Variants in CECR2 observed in about 807,000 individuals in gnomAD.
CECR2 encodes the protein CECR2 histone acetyl-lysine reader, also known as chromatin remodeling regulator CECR2.
CECR2 carries 30 observed loss-of-function variants against 154.5 expected under a neutral mutation model. The ratio of observed to expected loss-of-function variants is 0.19; its 90% CI spans 0.15 to 0.26. CECR2 has a LOEUF of 0.26. CECR2 is among the 10% of genes least tolerant of loss of function. The pLI, the probability that CECR2 is intolerant of heterozygous loss-of-function variation, is 1.00. For missense variants in CECR2, 1,743 were observed against 1,829.3 expected (o/e 0.95, Z 0.86); for synonymous variants, 725 against 683.7 (o/e 1.06, Z -0.94).
At chr22:17,517,713 C>T (rs1320126581) in intron 8 of CECR2, among the ~76,000 whole-genome samples, 1 of 152,202 alleles carries the variant, frequency 6.6e-6, no homozygotes, top group African/African-American at 2.4e-5. Flanking sequence ...TATCCACGTA[C>T]ACAACTCAGT....
intron 3 of CECR2, among the ~76,000 whole-genome samples, chr22:17,498,457 A>T (rs2055673625): frequency 6.6e-6 from 1 of 152,030 alleles, no homozygotes; most frequent in Admixed American, 6.6e-5. Flanking sequence ...TAGGGAAGTC[A>T]GTTTCTAATC....
intron 1 of CECR2, among the ~76,000 whole-genome samples, chr22:17,364,202 G>A (rs1335982423): frequency 2.0e-5 from 3 of 151,800 alleles, no homozygotes; most frequent in African/African-American, 7.3e-5. Context: ...AATTAGCTGG[G>A]TGTGGTGGCA....
chr22:17,519,794 CTTT>C (rs695788), intron 8 of CECR2, among the ~76,000 whole-genome samples: 3 of 137,990 alleles, frequency 2.2e-5, no homozygotes, highest in Admixed American at 7.3e-5. Context: ...ATTATCAAGT[CTTT>C]TTTTTTTTTT....
At position 17,505,064 on chromosome 22, in the gene CECR2, T is replaced by G. The variant is rs1340354057; in HGVS notation, c.870+48T>G. On this transcript the variant is annotated intron_variant, in intron 7 of 18. Coordinates refer to ENST00000262608, the MANE Select transcript of CECR2 (RefSeq NM_001290047.2). ...TCCTCCTCAGTGTTAGGCCTGATGC[T>G]GCATTATTTAAGGATTATTCATGAG... The G allele has an allele frequency of 1.9e-6, 3 of 1,566,964 alleles. No homozygotes were observed. The East Asian group carries it at 6.8e-5, about 35-fold the overall frequency.
chr22:17,480,171 G>C (rs1415074290), intron 2 of CECR2, among the ~76,000 whole-genome samples: 2 of 151,862 alleles, frequency 1.3e-5, no homozygotes, highest in Admixed American at 6.6e-5. Flanking sequence ...TGACTCTCTA[G>C]GATTATTATC....
Position 17,542,355 on chromosome 22 carries a change from C to T in CECR2, c.2212C>T (p.His738Tyr), listed in dbSNP as rs1160985415. Residue 738 changes from histidine (H) to tyrosine (Y), a missense_variant, in exon 16 of 19, where the codon CAT becomes TAT. Transcript: ENST00000262608. ...QFQPGFIPPR[H>Y]GGAPARPPDF... The stretch of plus-strand genomic sequence containing the variant: ...CCAGCCAGGATTCATTCCTCCCCGG[C>T]ATGGGGGGGCTCCAGCCCGGCCACC... 6.2e-7 allele frequency: 1 copy of T among 1,613,680 alleles called. No individual in the cohort carries two copies. Among genetic ancestry groups the T allele is most frequent in the African/African-American group, 1.3e-5 (1 of 74,920 alleles).
chr22:17,402,246 A>G (rs2053905418), intron 1 of CECR2, among the ~76,000 whole-genome samples: 2 of 152,172 alleles, frequency 1.3e-5, no homozygotes, highest in Admixed American at 6.5e-5. Flanking sequence ...CGGCCTCCCA[A>G]AGTGCTGGGA....
At chr22:17,477,869 C>G (rs1176048648) in intron 2 of CECR2, among the ~76,000 whole-genome samples, 187 bp downstream of exon 2, 2 of 152,148 alleles carry the variant, frequency 1.3e-5, no homozygotes, top group African/African-American at 2.4e-5. Context: ...GTTTTTATTC[C>G]ATCATAATCT....
At chr22:17,454,620 A>AC (rs924617583) in intron 1 of CECR2, among the ~76,000 whole-genome samples, 3 of 151,098 alleles carry the variant, frequency 2.0e-5, no homozygotes, top group Non-Finnish European at 2.9e-5. Flanking sequence ...AAAAAAAAAA[A>AC]CCCTGCAGCT....
intron 1 of CECR2, among the ~76,000 whole-genome samples, chr22:17,431,786 G>T (rs1374103516): frequency 1.0e-5 from 1 of 98,282 alleles, no homozygotes; most frequent in African/African-American, 4.9e-5. Context: ...TTTTTGGGAG[G>T]GGCGCGGCTT....
At chr22:17,534,328 G>A (rs1020806393) in intron 9 of CECR2, among the ~76,000 whole-genome samples, 5 of 152,076 alleles carry the variant, frequency 3.3e-5, no homozygotes, top group African/African-American at 1.2e-4. Flanking sequence ...GTGGTACCAG[G>A]ACACTTGTTC....
At chr22:17,461,939 C>T (rs952837690) in intron 1 of CECR2, among the ~76,000 whole-genome samples, 8 of 151,716 alleles carry the variant, frequency 5.3e-5, no homozygotes, top group South Asian at 2.1e-4. Context: ...ACTACAGGTG[C>T]GCACCACCAA....
chr22:17,366,751 A>G (rs1460587233), upstream of CECR2, among the ~76,000 whole-genome samples: 1 of 152,146 alleles, frequency 6.6e-6, no homozygotes, highest in Non-Finnish European at 1.5e-5. Flanking sequence ...TATCAATCCT[A>G]ACAGGGCCAG....
intron 9 of CECR2, among the ~76,000 whole-genome samples, chr22:17,534,987 A>G (rs1393876815): frequency 6.6e-6 from 1 of 151,690 alleles, no homozygotes; most frequent in Admixed American, 6.6e-5. Context: ...CGTCTCTACT[A>G]AAAAATACAA....
intron 7 of CECR2, 132 bp from the exon 8 acceptor site, chr22:17,511,681 A>G (rs534122304): frequency 4.0e-4 from 247 of 617,378 alleles, no homozygotes; most frequent in Non-Finnish European, 6.3e-4. Context: ...TGATTGTCCT[A>G]AGGAAGCCTT....
At chr22:17,528,571 T>C (rs1164842983) in intron 9 of CECR2, among the ~76,000 whole-genome samples, 1 of 152,184 alleles carries the variant, frequency 6.6e-6, no homozygotes, top group Non-Finnish European at 1.5e-5. Flanking sequence ...AGTCTCACTC[T>C]TTTGCCCAGG....
chr22:17,398,675 CT>C (rs2053849222), intron 1 of CECR2, among the ~76,000 whole-genome samples: 1 of 152,134 alleles, frequency 6.6e-6, no homozygotes, highest in South Asian at 2.1e-4. Flanking sequence ...AACAGTACTG[CT>C]TGTGGAGTTA....
At chr22:17,487,064 A>G (rs2055434631) in intron 2 of CECR2, among the ~76,000 whole-genome samples, 1 of 152,138 alleles carries the variant, frequency 6.6e-6, no homozygotes, top group African/African-American at 2.4e-5. Flanking sequence ...TGAAATGTGG[A>G]TTCTTCATTT....
intron 1 of CECR2, among the ~76,000 whole-genome samples, chr22:17,433,321 T>C (rs968728149): frequency 2.6e-5 from 4 of 152,234 alleles, no homozygotes; most frequent in Non-Finnish European, 5.9e-5. Flanking sequence ...TGTGTAGAAC[T>C]GATAAAGGTA....
Sources: gnomAD v4.1 joint callset for allele counts (sites outside exome capture counted in the v4.1 genomes callset) on GRCh38, gnomAD v4.1.1 for gene constraint, MANE v1.5 for transcripts, NCBI Gene and HGNC (gene_info 2026-07-23, HGNC 2026-07-21) for gene names.